The following EDEM1 variants were observed in gnomAD, a reference collection of about 807,000 sequenced individuals.
EDEM1 encodes ER degradation-enhancing alpha-mannosidase-like protein 1.
EDEM1 carries 67 observed loss-of-function variants against 74.4 expected under a neutral mutation model. The ratio of observed to expected loss-of-function variants is 0.90; its 90% CI spans 0.74 to 1.10. The LOEUF (loss-of-function observed/expected upper bound fraction) is 1.10. Ranked by LOEUF, EDEM1 falls within the 50% of genes least tolerant of loss-of-function variation. The pLI is 0.00. For synonymous variants in EDEM1, 382 were observed against 335.9 expected (o/e 1.14, Z -1.50); for missense variants, 926 against 851.6 (o/e 1.09, Z -1.09).
chr3:5,205,661 G>C (rs1310612266), intron 6 of EDEM1, among the ~76,000 whole-genome samples: 6 of 152,240 alleles, frequency 3.9e-5, no homozygotes, highest in Non-Finnish European at 7.3e-5. Context: ...CTGTTGGCTG[G>C]AGGGCTCAGT....
intron 5 of EDEM1, among the ~76,000 whole-genome samples, chr3:5,204,111 G>A (rs1225194064): frequency 6.6e-6 from 1 of 152,146 alleles, no homozygotes; most frequent in Non-Finnish European, 1.5e-5. Flanking sequence ...AACAGCAATA[G>A]AAATAAAGAA....
intron 8 of EDEM1, among the ~76,000 whole-genome samples, chr3:5,209,305 A>C (rs1358673127): frequency 6.6e-6 from 1 of 152,226 alleles, no homozygotes; most frequent in Non-Finnish European, 1.5e-5. Context: ...TTCTGAGCCC[A>C]GTAGAAAGAC....
In EDEM1 at chr3:5,209,972, A is replaced by G. The variant is rs184359596; in HGVS notation, c.1510-203A>G. Reference sequence around the variant, plus strand: ...CTTACCCCTGGCTAAAGTTAACCAAATCACAGGTACTCTTTGATGTGAACT... The same window carrying G: ...CTTACCCCTGGCTAAAGTTAACCAAGTCACAGGTACTCTTTGATGTGAACT... On this transcript the variant is annotated intron_variant, in intron 8 of 11. Transcript: ENST00000256497. Among the ~76,000 whole-genome samples the G allele has an allele frequency of 1.4e-3, 210 of 152,368 alleles. 1 individual carries two copies. Among genetic ancestry groups the G allele is most frequent in the African/African-American group, 4.9e-3 (203 of 41,600 alleles).
At chr3:5,211,250 T>G in intron 10 of EDEM1, 34 bp downstream of exon 10, 3 of 1,587,030 alleles carry the variant, frequency 1.9e-6, no homozygotes, top group Middle Eastern at 1.7e-4. Flanking sequence ...CAGGAATATT[T>G]AGTATTGCTT....
chr3:5,203,076 C>T lies in EDEM1; in HGVS notation c.969C>T (p.Ser323=). Residue 323 remains serine, a synonymous_variant, in exon 5 of 12, where the codon TCC becomes TCT. Transcript: ENST00000256497. ...TTCTGAGTCGACTCCTGGGGGACTC[C>T]ACATTTGAGTGGGTGGCCAGACGAG... The part of the protein sequence containing the change: ...FGILSRLLGD[S]TFEWVARRAV... The T allele has an allele frequency of 1.2e-6, 2 of 1,613,000 alleles. No individual in the cohort carries two copies. The highest frequency in any genetic ancestry group is 1.7e-6 in the Non-Finnish European group (2 of 1,179,600).
At chr3:5,209,183 G>C (rs1027739009) in intron 8 of EDEM1, among the ~76,000 whole-genome samples, 6 of 152,102 alleles carry the variant, frequency 3.9e-5, no homozygotes, top group African/African-American at 1.4e-4. Flanking sequence ...GATGAAAAAA[G>C]GGGAAAGAAA....
rs1021221811 is a variant in EDEM1, at chr3:5,188,095, C to G, written c.290C>G (p.Pro97Arg). 8 of 1,507,008 alleles carry G rather than the reference C, an allele frequency of 5.3e-6. No homozygotes were observed. The African/African-American group carries it at 1.2e-4, about 22-fold the overall frequency. The allele number at this position is 1,507,008 out of a possible 1,614,324, so 93.4% of individuals were successfully genotyped here. ...PRRPGPGMCG[P>R]ANWGYVLGGR... The stretch of plus-strand genomic sequence containing the variant: ...CGTCCTGGGCCGGGGATGTGCGGCC[C>G]AGCCAACTGGGGCTACGTGCTGGGC... The change falls in exon 1 of 12, where the codon CCA becomes CGA. Residue 97 changes from proline to arginine, a missense_variant. Coordinates refer to ENST00000256497, the MANE Select transcript of EDEM1 (RefSeq NM_014674.3).
chr3:5,213,646 C>G (rs1020378141), intron 11 of EDEM1, 124 bp downstream of exon 11: 1 of 927,714 alleles, frequency 1.1e-6, no homozygotes, highest in African/African-American at 1.7e-5. Context: ...TTTGAAAACA[C>G]CTCCTAAAGA....
rs192670492 is a variant in EDEM1 at position 5,210,382 on chromosome 3, T to C, written c.1583+134T>C. On this transcript the variant is annotated intron_variant, in intron 9 of 11. Transcript: ENST00000256497. The stretch of plus-strand genomic sequence containing the variant: ...AATGTTACATTTACAGGGAAATTGC[T>C]TACCTTTTGGTGTAGTAGAACCTTT... 185 of 851,004 alleles carry C rather than the reference T, an allele frequency of 2.2e-4. 1 individual carries two copies. Among genetic ancestry groups the C allele is most frequent in the South Asian group, 1.5e-3 (87 of 59,648 alleles). The allele number at this position is 851,004 out of a possible 1,614,324, so 52.7% of individuals were successfully genotyped here.
chr3:5,211,882 C>T (rs887199652), intron 10 of EDEM1, among the ~76,000 whole-genome samples: 15 of 152,158 alleles, frequency 9.9e-5, no homozygotes, highest in Non-Finnish European at 1.9e-4. Context: ...TCCATCTCAC[C>T]GCTCTGCCTC....
rs371886727 is a variant in EDEM1 at position 5,205,185 on chromosome 3, A to C, written c.1161A>C (p.Glu387Asp). The C allele has an allele frequency of 1.9e-6, 3 of 1,614,248 alleles. No homozygotes were observed. The highest frequency in any genetic ancestry group is 2.2e-5 in the South Asian group (2 of 91,090). The part of the protein sequence containing the change: ...LKSYILFGEK[E>D]DLEMFNAAYQ... Reference sequence around the variant, plus strand: ...CTTACATTCTCTTTGGAGAAAAAGAAGACCTAGAAATGTTTAATGCTGCAT... The same window carrying C: ...CTTACATTCTCTTTGGAGAAAAAGACGACCTAGAAATGTTTAATGCTGCAT... Residue 387 changes from glutamate to aspartate, a missense_variant, in exon 6 of 12, where the codon GAA (glutamate) becomes GAC (aspartate). Physicochemically the swap from Glu to Asp is conservative, Grantham distance 45 (BLOSUM62 2). Transcript: ENST00000256497.
chr3:5,215,081 G>C lies in EDEM1; in HGVS notation c.1885-748G>C, dbSNP rs187092952. 4.6e-4 allele frequency among the ~76,000 whole-genome samples: 70 copies of C among 152,284 alleles called. 1 individual carries two copies. Among genetic ancestry groups the C allele is most frequent in the Admixed American group, 4.4e-3 (68 of 15,298 alleles). ...AAAAGCACAGAGATGTGGGCTGGTGGGGGCAGTCGGGACCAATGGAAGGAC... is the reference window on the plus strand; with the variant it reads ...AAAAGCACAGAGATGTGGGCTGGTGCGGGCAGTCGGGACCAATGGAAGGAC... On this transcript the variant is annotated intron_variant, in intron 11 of 11. Transcript: ENST00000256497.
chr3:5,196,706 T>C (rs767475288), intron 2 of EDEM1, among the ~76,000 whole-genome samples: 4 of 152,192 alleles, frequency 2.6e-5, no homozygotes, highest in Non-Finnish European at 5.9e-5. Flanking sequence ...AATATCTCCT[T>C]CTGAAGTTAT....
In EDEM1 at chr3:5,208,238, T is replaced by C; in HGVS notation, c.1484T>C (p.Val495Ala). 1.9e-6 allele frequency: 3 copies of C among 1,612,580 alleles called. No individual in the cohort carries two copies. The highest frequency in any genetic ancestry group is 2.5e-6 in the Non-Finnish European group (3 of 1,179,612). The change falls in exon 8 of 12, where the codon GTG (valine) becomes GCG (alanine). Residue 495 changes from valine to alanine, a missense_variant. Transcript: ENST00000256497. ...TTCTACCCACTGAGACCAGAGTTAG[T>C]GGAATCCACATATCTCCTCTACCAG... ...VLFYPLRPELVESTYLLYQAT... is the reference protein window; with the variant it reads ...VLFYPLRPELAESTYLLYQAT...
intron 1 of EDEM1, among the ~76,000 whole-genome samples, chr3:5,194,802 T>C (rs1314250894): frequency 6.6e-6 from 1 of 152,246 alleles, no homozygotes; most frequent in Non-Finnish European, 1.5e-5. Context: ...GTGTCTAATT[T>C]CTGTATTAAA....
At chr3:5,191,627 T>C (rs988474763) in intron 1 of EDEM1, among the ~76,000 whole-genome samples, 2 of 152,268 alleles carry the variant, frequency 1.3e-5, no homozygotes, top group African/African-American at 2.4e-5. Context: ...AAAGTACACA[T>C]AGAAAATTTC....
intron 1 of EDEM1, among the ~76,000 whole-genome samples, chr3:5,192,506 A>G (rs1269217688): frequency 6.6e-6 from 1 of 152,256 alleles, no homozygotes; most frequent in Non-Finnish European, 1.5e-5. Flanking sequence ...GGTGAATGCC[A>G]TGAACATTTG....
chr3:5,199,474 A>G (rs552007412), intron 2 of EDEM1, 118 bp from the exon 3 acceptor site: 1 of 653,604 alleles, frequency 1.5e-6, no homozygotes, highest in South Asian at 2.1e-5. Context: ...TTGTGTTTCT[A>G]CTCCTATGGT....
At position 5,207,256 on chromosome 3, in the gene EDEM1, T is replaced by G; in HGVS notation, c.1321T>G (p.Phe441Val). The G allele has an allele frequency of 6.2e-7, 1 of 1,605,290 alleles. No individual in the cohort carries two copies. The highest frequency in any genetic ancestry group is 1.1e-5 in the South Asian group (1 of 90,324). ...MNTWIDSLQA[F>V]FPGLQVLIGD... is the part of the protein sequence containing the mutation. Reference sequence around the variant, plus strand: ...CACCTGGATTGACTCTCTGCAGGCCTTTTTCCCTGGACTGCAGGTATTTTG... The same window carrying G: ...CACCTGGATTGACTCTCTGCAGGCCGTTTTCCCTGGACTGCAGGTATTTTG... Residue 441 changes from phenylalanine to valine, a missense_variant, in exon 7 of 12, where the codon TTT becomes GTT. Physicochemically the swap from Phe to Val is conservative, Grantham distance 50. Transcript: ENST00000256497.
Sources: gnomAD v4.1 joint callset for allele counts (sites outside exome capture counted in the v4.1 genomes callset) on GRCh38, gnomAD v4.1.1 for gene constraint, MANE v1.5 for transcripts, NCBI Gene and HGNC (gene_info 2026-07-23, HGNC 2026-07-21) for gene names.